Variants in FRY observed in about 807,000 individuals in gnomAD.
FRY encodes the protein protein furry homolog.
In FRY, 128 loss-of-function variants were observed where a neutral mutation model predicts 348.4. The observed-to-expected ratio is 0.37, with a 90% CI of 0.32 to 0.43. The LOEUF (loss-of-function observed/expected upper bound fraction) is 0.43, where lower values mean the gene tolerates loss of function less well. Ranked by LOEUF, FRY falls within the 20% of genes least tolerant of loss-of-function variation. The pLI, the probability that FRY is intolerant of heterozygous loss-of-function variation, is 1.00. For missense variants in FRY, 2,736 were observed against 3,695.2 expected, an observed-to-expected ratio of 0.74 and a Z score of 6.73; for synonymous variants, 1,370 against 1,374.7, an observed-to-expected ratio of 1.00 and a Z score of 0.08.
chr13:32,194,433 C>A, intron 29 of FRY, 136 bp downstream of exon 29: 1 of 759,484 alleles, frequency 1.3e-6, no homozygotes, highest in Non-Finnish European at 2.2e-6. Flanking sequence ...CTGTATGTCC[C>A]CAGCAGGTAA....
At chr13:32,146,013 T>G (rs1880421268) in intron 11 of FRY, among the ~76,000 whole-genome samples, 1 of 152,090 alleles carries the variant, frequency 6.6e-6, no homozygotes, top group African/African-American at 2.4e-5. Context: ...ATGTAGCCCC[T>G]GCTTTCCTCT....
At chr13:32,264,985 C>T (rs1298032734) in intron 53 of FRY, among the ~76,000 whole-genome samples, 2 of 152,206 alleles carry the variant, frequency 1.3e-5, no homozygotes, top group African/African-American at 2.4e-5. Flanking sequence ...GATAGGCTTG[C>T]TTTAGAAGGC....
At chr13:32,256,870 C>CTA (rs1365646067) in intron 51 of FRY, among the ~76,000 whole-genome samples, 1 of 152,170 alleles carries the variant, frequency 6.6e-6, no homozygotes, top group Non-Finnish European at 1.5e-5. Flanking sequence ...CTCCAAAATC[C>CTA]TAAACTTTTT....
At chr13:32,212,448 A>G in intron 35 of FRY, 66 bp downstream of exon 35, 5 of 951,550 alleles carry the variant, frequency 5.3e-6, no homozygotes, top group Non-Finnish European at 8.3e-6. Context: ...ATAGACATCA[A>G]TACAGGTTTG....
Position 32,131,788 on chromosome 13 carries a change from G to A in FRY, c.833G>A (p.Arg278Gln). 7.4e-6 allele frequency: 12 copies of A among 1,613,710 alleles called. No homozygotes were observed. The highest frequency in any genetic ancestry group is 1.0e-5 in the Non-Finnish European group (12 of 1,179,632). ...ISLIMGMKFF[R>Q]IKMYPVEDFE... ...TTAATAATGGGCATGAAATTCTTTC[G>A]AATTAAGATGTATCCAGTGGAGGAT... Residue 278 changes from arginine (R) to glutamine (Q), a missense_variant, in exon 8 of 61, where the codon CGA becomes CAA. Arg to Gln is a conservative substitution (Grantham distance 43). Coordinates refer to ENST00000542859, the MANE Select transcript of FRY (RefSeq NM_023037.3).
chr13:32,284,145 C>T (rs1888942378), intron 58 of FRY, among the ~76,000 whole-genome samples: 1 of 152,216 alleles, frequency 6.6e-6, no homozygotes, highest in Non-Finnish European at 1.5e-5. Context: ...TTAATGCATT[C>T]ATAATTCAAC....
intron 28 of FRY, among the ~76,000 whole-genome samples, chr13:32,188,936 G>A (rs1195677995): frequency 6.6e-6 from 1 of 152,132 alleles, no homozygotes; most frequent in East Asian, 1.9e-4. Context: ...AACAGATTGA[G>A]ATGTCTGTAG....
At position 32,070,914 on chromosome 13, in the gene FRY, T is replaced by C. The variant is rs547858642; in HGVS notation, c.71-7920T>C. The stretch of plus-strand genomic sequence containing the variant: ...TAAGGTGTAAGGAAGGGATCCAGTT[T>C]CAGCTTTCTACATATGGCTAGCCAG... On this transcript the variant is annotated intron_variant, in intron 1 of 60. Coordinates refer to ENST00000542859, the MANE Select transcript of FRY (RefSeq NM_023037.3). Among the ~76,000 whole-genome samples the C allele has an allele frequency of 4.6e-3, 705 of 152,338 alleles. 3 individuals are homozygous for C. The highest frequency in any genetic ancestry group is 0.022 in the South Asian group (104 of 4,830).
At chr13:32,283,287 G>A (rs1024585849) in intron 58 of FRY, among the ~76,000 whole-genome samples, 1 of 152,192 alleles carries the variant, frequency 6.6e-6, no homozygotes, top group Non-Finnish European at 1.5e-5. Context: ...AGCACTAAGT[G>A]TAGACTGCCC....
At chr13:32,230,862 G>C (rs1320472181) in intron 40 of FRY, among the ~76,000 whole-genome samples, 1 of 152,180 alleles carries the variant, frequency 6.6e-6, no homozygotes, top group African/African-American at 2.4e-5. Flanking sequence ...TGACTGGTGT[G>C]AGATGGTATC....
intron 7 of FRY, among the ~76,000 whole-genome samples, chr13:32,130,885 G>A (rs561976697): frequency 1.3e-5 from 2 of 150,876 alleles, no homozygotes; most frequent in Admixed American, 6.6e-5. Flanking sequence ...GCATGATCTC[G>A]GCTCATTGCA....
intron 31 of FRY, among the ~76,000 whole-genome samples, chr13:32,206,726 T>C (rs1381496663): frequency 6.6e-6 from 1 of 152,336 alleles, no homozygotes; most frequent in East Asian, 1.9e-4. Context: ...AGAATTACCT[T>C]TTGGCTGTTT....
At chr13:32,174,185 A>G (rs1263649129) in intron 19 of FRY, among the ~76,000 whole-genome samples, 1 of 152,228 alleles carries the variant, frequency 6.6e-6, no homozygotes, top group Non-Finnish European at 1.5e-5. Context: ...TTCATGTCAT[A>G]TATTTCTTTA....
chr13:32,251,347 A>G (rs528789333), intron 49 of FRY, among the ~76,000 whole-genome samples: 88 of 152,358 alleles, frequency 5.8e-4, no homozygotes, highest in African/African-American at 2.0e-3. Flanking sequence ...AAAACGAATG[A>G]ATTTTTTCAT....
intron 2 of FRY, among the ~76,000 whole-genome samples, chr13:32,092,188 C>G (rs576235756): frequency 2.5e-4 from 38 of 152,328 alleles, no homozygotes; most frequent in Admixed American, 5.9e-4. Context: ...TTGGATCTTT[C>G]TAGATTAGTG....
chr13:32,184,861 G>A (rs1452321127), intron 25 of FRY, 115 bp from the exon 26 acceptor site: 1 of 1,078,424 alleles, frequency 9.3e-7, no homozygotes, highest in African/African-American at 1.6e-5. Context: ...ACTGCATATA[G>A]GTTAGGAACA....
intron 56 of FRY, chr13:32,275,214 T>TAAA: frequency 3.9e-6 from 1 of 255,316 alleles, no homozygotes; most frequent in Non-Finnish European, 7.5e-6. Flanking sequence ...CCGTATCTAT[T>TAAA]AAAAATACAA....
rs771595227 is a variant in FRY at position 32,124,653 on chromosome 13, G to T, written c.607G>T (p.Ala203Ser). Reference protein sequence around the residue: ...DSLIHDVINLAFKHFKYKEGY... With the variant: ...DSLIHDVINLSFKHFKYKEGY... Reference sequence around the variant, plus strand: ...TTTAATACATGATGTTATTAACTTGGCTTTCAAGCACTTTAAATACAAAGA... The same window carrying T: ...TTTAATACATGATGTTATTAACTTGTCTTTCAAGCACTTTAAATACAAAGA... Residue 203 changes from alanine (A) to serine (S), a missense_variant, in exon 6 of 61, where the codon GCT becomes TCT. Ala to Ser is a moderately conservative substitution (Grantham distance 99). Coordinates refer to ENST00000542859, the MANE Select transcript of FRY (RefSeq NM_023037.3). 8 of 1,594,882 alleles carry T rather than the reference G, an allele frequency of 5.0e-6. No individual in the cohort carries two copies. Among genetic ancestry groups the T allele is most frequent in the South Asian group, 2.2e-5 (2 of 90,714 alleles).
chr13:32,206,792 T>C (rs541628120), intron 31 of FRY, among the ~76,000 whole-genome samples: 3 of 152,308 alleles, frequency 2.0e-5, no homozygotes, highest in South Asian at 2.1e-4. Flanking sequence ...GAGGTTATAA[T>C]AGATTCCAAA....
Sources: gnomAD v4.1 joint callset for allele counts (sites outside exome capture counted in the v4.1 genomes callset) on GRCh38, gnomAD v4.1.1 for gene constraint, MANE v1.5 for transcripts, NCBI Gene and HGNC (gene_info 2026-07-23, HGNC 2026-07-21) for gene names.